Variants in BCLAF1 observed in about 807,000 individuals in gnomAD.
BCLAF1 encodes the protein BCL2 associated transcription factor 1, also known as bcl-2-associated transcription factor 1.
A neutral mutation model predicts 99.5 loss-of-function variants in BCLAF1; 10 were observed. The observed-to-expected ratio is 0.10, with a 90% CI of 0.06 to 0.17. BCLAF1 has a LOEUF of 0.17. Among genes scored for constraint, BCLAF1 ranks in the 10% least tolerant of loss-of-function variants. The pLI is 1.00. For synonymous variants in BCLAF1, 255 were observed against 370.9 expected (o/e 0.69, Z 3.59); for missense variants, 636 against 1,105.8 (o/e 0.58, Z 6.02).
At chr6:136,278,958 G>C (rs906605921) in intron 3 of BCLAF1, among the ~76,000 whole-genome samples, 182 bp from the exon 4 acceptor site, 3 of 150,378 alleles carry the variant, frequency 2.0e-5, no homozygotes, top group African/African-American at 7.4e-5. Flanking sequence ...TAAATACTGA[G>C]AGAATACCTT....
intron 7 of BCLAF1, among the ~76,000 whole-genome samples, chr6:136,272,753 AACATTTATTTC>A (rs370223769): frequency 8.3e-4 from 126 of 151,968 alleles, no homozygotes; most frequent in African/African-American, 2.4e-3. Context: ...TCTCTCACCA[AACATTTATTTC>A]ACATTTATTT....
intron 10 of BCLAF1, 48 bp from the exon 11 acceptor site, chr6:136,267,223 T>C (rs1781831878): frequency 6.4e-7 from 1 of 1,571,942 alleles, no homozygotes; most frequent in Admixed American, 1.7e-5. Context: ...AAAAGGTATT[T>C]AGTTACATGC....
rs1348601033 is a variant in BCLAF1, at chr6:136,275,875, T to C, written c.1650A>G (p.Lys550=). The change falls in exon 5 of 13, where the codon AAA becomes AAG. Residue 550 remains lysine, a synonymous_variant. Transcript: ENST00000531224. Reference sequence around the variant, plus strand: ...AATCATCAAGAGGAACAGGTGCCATTTTGAGTTTGACTTCAGGACGGTGAG... The same window carrying C: ...AATCATCAAGAGGAACAGGTGCCATCTTGAGTTTGACTTCAGGACGGTGAG... ...SDSHRPEVKL[K]MAPVPLDDSN... 14 of 1,612,976 alleles carry C rather than the reference T, an allele frequency of 8.7e-6. No individual in the cohort carries two copies. Among genetic ancestry groups the C allele is most frequent in the African/African-American group, 1.3e-5 (1 of 74,972 alleles).
intron 6 of BCLAF1, among the ~76,000 whole-genome samples, chr6:136,274,840 G>T (rs565189008): frequency 6.6e-6 from 1 of 150,908 alleles, no homozygotes; most frequent in African/African-American, 2.4e-5. Context: ...TTACATACTG[G>T]TAAAAATTTA....
intron 4 of BCLAF1, 121 bp from the exon 5 acceptor site, chr6:136,276,629 A>T: frequency 8.1e-7 from 1 of 1,227,952 alleles, no homozygotes; most frequent in East Asian, 2.6e-5. Context: ...CCCTATTGAA[A>T]AGTGCTTTTT....
At chr6:136,288,190 C>T (rs2128495146) in intron 1 of BCLAF1, among the ~76,000 whole-genome samples, 1 of 152,298 alleles carries the variant, frequency 6.6e-6, no homozygotes, top group East Asian at 1.9e-4. Flanking sequence ...TTTCAGTATT[C>T]ACCACAATGT....
intron 1 of BCLAF1, among the ~76,000 whole-genome samples, chr6:136,288,294 C>G (rs1785435640): frequency 6.6e-6 from 1 of 152,182 alleles, no homozygotes; most frequent in African/African-American, 2.4e-5. Flanking sequence ...CTCTGTTGCC[C>G]CCGCTGGAGT....
chr6:136,275,043 T>C lies in BCLAF1; in HGVS notation c.1852+489A>G, dbSNP rs142783738. On this transcript the variant is annotated intron_variant, in intron 6 of 12. Transcript: ENST00000531224. The stretch of plus-strand genomic sequence containing the variant: ...TTTATCATTTTAAGATTTTTATGTA[T>C]AAAAAATTAAGCGCAAAAAAAGTGT... Among the ~76,000 whole-genome samples, 89 of 152,116 alleles carry C rather than the reference T, an allele frequency of 5.9e-4. No homozygotes were observed. In the East Asian group the frequency reaches 0.016, roughly 27 times the overall value.
At chr6:136,266,156 A>C (rs1044633875) in intron 11 of BCLAF1, among the ~76,000 whole-genome samples, 2 of 152,152 alleles carry the variant, frequency 1.3e-5, no homozygotes, top group African/African-American at 4.8e-5. Context: ...TTCAAACTAT[A>C]GCTATAACCT....
At chr6:136,285,980 C>T (rs1350113909) in intron 1 of BCLAF1, among the ~76,000 whole-genome samples, 1 of 152,024 alleles carries the variant, frequency 6.6e-6, no homozygotes, top group East Asian at 1.9e-4. Flanking sequence ...CGCCCATAGT[C>T]CCAAGGTACT....
At chr6:136,272,270 C>T (rs1218438621) in intron 7 of BCLAF1, among the ~76,000 whole-genome samples, 191 bp from the exon 8 acceptor site, 1 of 151,738 alleles carries the variant, frequency 6.6e-6, no homozygotes, top group African/African-American at 2.4e-5. Flanking sequence ...TTAAAATGCT[C>T]CAACCAGATA....
At chr6:136,288,267 T>C (rs1044715132) in intron 1 of BCLAF1, among the ~76,000 whole-genome samples, 5 of 152,222 alleles carry the variant, frequency 3.3e-5, no homozygotes, top group Non-Finnish European at 7.3e-5. Context: ...CTACCTTTTT[T>C]AAGTGACAAG....
chr6:136,266,044 C>CT (rs551736559), intron 11 of BCLAF1, among the ~76,000 whole-genome samples: 186 of 147,184 alleles, frequency 1.3e-3, no homozygotes, highest in Middle Eastern at 3.6e-3. Flanking sequence ...CACTCTGTAA[C>CT]TTTTTTTTTT....
rs779329224 is a variant in BCLAF1 at position 136,275,871 on chromosome 6, C to T, written c.1654G>A (p.Ala552Thr). 6.2e-7 allele frequency: 1 copy of T among 1,612,750 alleles called. No homozygotes were observed. The highest frequency in any genetic ancestry group is 1.7e-5 in the Admixed American group (1 of 59,816). Residue 552 changes from alanine to threonine, a missense_variant, in exon 5 of 13, where the codon GCA becomes ACA. This residue lies in a region of BCLAF1 where 20 missense variants were observed against 66.2 expected (regional missense o/e 0.30). Coordinates refer to ENST00000531224, the MANE Select transcript of BCLAF1 (RefSeq NM_014739.3). ...TTAGAATCATCAAGAGGAACAGGTG[C>T]CATTTTGAGTTTGACTTCAGGACGG... ...SHRPEVKLKM[A>T]PVPLDDSNRP...
chr6:136,261,113 T>C lies in BCLAF1; in HGVS notation c.2760A>G (p.Glu920=), dbSNP rs769327751. The change falls in exon 13 of 13, where the codon GAA becomes GAG. Residue 920 remains glutamate, a splice_region_variant and synonymous_variant. Coordinates refer to ENST00000531224, the MANE Select transcript of BCLAF1 (RefSeq NM_014739.3). ...TTGTAATCTTACTTCATATTTATTA[T>C]TCCTAAAAGAGAGAGAAAAAATTAA... is the stretch of plus-strand genomic sequence containing the variant. The part of the protein sequence containing the change: ...EKKDRRKEEK[E] 1.3e-6 allele frequency: 2 copies of C among 1,578,246 alleles called. No individual in the cohort carries two copies. Among genetic ancestry groups the C allele is most frequent in the South Asian group, 1.2e-5 (1 of 84,992 alleles).
At chr6:136,287,765 C>T (rs1414463752) in intron 1 of BCLAF1, among the ~76,000 whole-genome samples, 1 of 152,210 alleles carries the variant, frequency 6.6e-6, no homozygotes, top group African/African-American at 2.4e-5. Context: ...CGCAGGGGCT[C>T]ATCCCTGTAA....
intron 11 of BCLAF1, among the ~76,000 whole-genome samples, chr6:136,263,498 C>G (rs1372028481): frequency 6.6e-6 from 1 of 152,024 alleles, no homozygotes; most frequent in African/African-American, 2.4e-5. Flanking sequence ...AGTTTTATAT[C>G]GAAGATTTCA....
intron 8 of BCLAF1, 105 bp downstream of exon 8, chr6:136,271,890 A>G (rs548680824): frequency 5.2e-6 from 4 of 773,856 alleles, no homozygotes; most frequent in Middle Eastern, 2.4e-4. Flanking sequence ...ATGAATTAAA[A>G]GTAGAAGATA....
chr6:136,266,845 T>C (rs1410358975), intron 11 of BCLAF1, among the ~76,000 whole-genome samples, 184 bp downstream of exon 11: 1 of 152,050 alleles, frequency 6.6e-6, no homozygotes, highest in African/African-American at 2.4e-5. Flanking sequence ...CAAGAAAGTA[T>C]GAACAGGACT....
Sources: allele counts gnomAD v4.1 joint callset (sites outside exome capture counted in the v4.1 genomes callset), GRCh38; gene constraint gnomAD v4.1.1; regional missense constraint gnomAD v4.1.1; transcripts MANE v1.5; gene names NCBI Gene and HGNC (gene_info 2026-07-23, HGNC 2026-07-21).